Variants in NUDCD3 observed in about 807,000 individuals in gnomAD.
NUDCD3 encodes the protein nudC domain-containing protein 3.
In NUDCD3, 13 loss-of-function variants were observed where a neutral mutation model predicts 39.7. The observed-to-expected ratio is 0.33, with a 90% CI of 0.21 to 0.52. The LOEUF (loss-of-function observed/expected upper bound fraction) is 0.52. Among genes scored for constraint, NUDCD3 ranks in the 20% least tolerant of loss-of-function variants. NUDCD3 has a pLI of 0.96. For missense variants in NUDCD3, 453 were observed against 458.1 expected, an observed-to-expected ratio of 0.99 and a Z score of 0.10; for synonymous variants, 175 against 172.4, an observed-to-expected ratio of 1.02 and a Z score of -0.12.
intron 2 of NUDCD3, among the ~76,000 whole-genome samples, chr7:44,448,644 C>A (rs1199964760): frequency 1.3e-5 from 2 of 152,144 alleles, no homozygotes; most frequent in African/African-American, 2.4e-5. Flanking sequence ...CTGAGTGACA[C>A]CTTCCTGAGT....
intron 3 of NUDCD3, 80 bp downstream of exon 3, chr7:44,427,491 A>C: frequency 6.7e-7 from 1 of 1,497,164 alleles, no homozygotes; most frequent in Admixed American, 2.0e-5. Flanking sequence ...CACTCCCTCA[A>C]GGATGCTGGT....
rs1053788843 is a variant in NUDCD3 at position 44,454,708 on chromosome 7, C to T, written c.510-27005G>A. 8.5e-5 allele frequency among the ~76,000 whole-genome samples: 13 copies of T among 152,208 alleles called. No individual in the cohort carries two copies. The East Asian group carries it at 2.5e-3, about 29-fold the overall frequency. On this transcript the variant is annotated intron_variant, in intron 2 of 5. Transcript: ENST00000355451. ...TTGGGAGGCCAAGGCGGGAGGATCA[C>T]TTGAGCCCAGGAGTTCAAAACCAGC...
chr7:44,468,201 A>G, intron 2 of NUDCD3: 7 of 1,600,172 alleles, frequency 4.4e-6, no homozygotes, highest in Non-Finnish European at 5.1e-6. Flanking sequence ...ATCGCTCACA[A>G]TGTTTCCTCC....
chr7:44,427,679 A>T lies in NUDCD3; in HGVS notation c.534T>A (p.Asn178Lys). 6.2e-7 allele frequency: 1 copy of T among 1,613,876 alleles called. No homozygotes were observed. The highest frequency in any genetic ancestry group is 8.5e-7 in the Non-Finnish European group (1 of 1,179,916). ...LPRIQEQFQK[N>K]PDSYNGAVRE... ...GGACAGCACCATTGTAACTGTCGGG[A>T]TTTTTCTGGAACTGCTCCTGAATCC... The change falls in exon 3 of 6, where the codon AAT (asparagine) becomes AAA (lysine). Residue 178 changes from asparagine to lysine, a missense_variant. Transcript: ENST00000355451.
chr7:44,487,068 G>A (rs945554873), intron 1 of NUDCD3, among the ~76,000 whole-genome samples: 1 of 152,140 alleles, frequency 6.6e-6, no homozygotes, highest in Non-Finnish European at 1.5e-5. Context: ...TTCTACAAAG[G>A]AGCACTTCTC....
intron 2 of NUDCD3, among the ~76,000 whole-genome samples, chr7:44,434,397 C>T (rs977413825): frequency 2.6e-5 from 4 of 152,174 alleles, no homozygotes; most frequent in African/African-American, 9.7e-5. Context: ...CTCACACTAA[C>T]CAGCCTTCCT....
At chr7:44,403,533 T>G (rs1284785666) in intron 4 of NUDCD3, among the ~76,000 whole-genome samples, 3 of 152,150 alleles carry the variant, frequency 2.0e-5, no homozygotes, top group Non-Finnish European at 4.4e-5. Flanking sequence ...TACACTCCTT[T>G]CGGTACCTGG....
chr7:44,488,326 C>T (rs1381451245), intron 1 of NUDCD3, among the ~76,000 whole-genome samples: 4 of 143,130 alleles, frequency 2.8e-5, no homozygotes, highest in Admixed American at 2.1e-4. Context: ...CAGAGTGAGA[C>T]TCCATCTCCA....
intron 2 of NUDCD3, chr7:44,467,876 A>G (rs754492442): frequency 2.8e-4 from 436 of 1,565,862 alleles, no homozygotes; most frequent in Non-Finnish European, 3.6e-4. Flanking sequence ...CGGAGGTGGC[A>G]GCCATCTCCT....
intron 4 of NUDCD3, among the ~76,000 whole-genome samples, chr7:44,402,037 A>G (rs568911094): frequency 1.3e-5 from 2 of 152,196 alleles, no homozygotes; most frequent in Non-Finnish European, 2.9e-5. Flanking sequence ...AGAGCCTTTC[A>G]GCTGAAACGG....
At chr7:44,443,357 C>G (rs972111530) in intron 2 of NUDCD3, among the ~76,000 whole-genome samples, 2 of 152,120 alleles carry the variant, frequency 1.3e-5, no homozygotes, top group African/African-American at 4.8e-5. Context: ...ATTCAAGTAG[C>G]CAAAGTCTGA....
At chr7:44,410,058 A>C (rs987626291) in intron 3 of NUDCD3, among the ~76,000 whole-genome samples, 3 of 152,238 alleles carry the variant, frequency 2.0e-5, no homozygotes, top group Non-Finnish European at 2.9e-5. Flanking sequence ...GACACTATTA[A>C]GCATACCAAC....
At chr7:44,418,343 T>C (rs1799070115) in intron 3 of NUDCD3, among the ~76,000 whole-genome samples, 1 of 152,146 alleles carries the variant, frequency 6.6e-6, no homozygotes, top group Non-Finnish European at 1.5e-5. Context: ...CAGGACAGTC[T>C]CTCCTTCTAA....
intron 2 of NUDCD3, among the ~76,000 whole-genome samples, chr7:44,482,863 T>G (rs1325820890): frequency 6.6e-6 from 1 of 152,048 alleles, no homozygotes; most frequent in African/African-American, 2.4e-5. Context: ...TTGAAGGATT[T>G]AAAGGAAAAC....
intron 2 of NUDCD3, among the ~76,000 whole-genome samples, chr7:44,463,880 A>G (rs1800066340): frequency 6.6e-6 from 1 of 152,132 alleles, no homozygotes; most frequent in South Asian, 2.1e-4. Context: ...ATGGGAATTT[A>G]GTACTTCTAC....
At chr7:44,487,380 G>A (rs1161914651) in intron 1 of NUDCD3, among the ~76,000 whole-genome samples, 3 of 151,790 alleles carry the variant, frequency 2.0e-5, no homozygotes. Context: ...ATATTCAGCA[G>A]AGACACCAAG....
chr7:44,432,169 C>T (rs1348606476), intron 2 of NUDCD3, among the ~76,000 whole-genome samples: 1 of 152,166 alleles, frequency 6.6e-6, no homozygotes, highest in East Asian at 1.9e-4. Context: ...GTAGTGCTGG[C>T]TACTCGGAGG....
Position 44,392,479 on chromosome 7 carries a change from G to C in NUDCD3, c.793C>G (p.Leu265Val). ...CACCAATACTCGCCCACCTTGCTCA[G>C]GTTCACCTGGGGACAAGCAGGACAG... ...LEPGKCVLVN[L>V]SKVGEYWWNA... The change falls in exon 5 of 6, where the codon CTG (leucine) becomes GTG (valine). Residue 265 changes from leucine to valine, a missense_variant. Physicochemically the swap from Leu to Val is conservative, Grantham distance 32. Coordinates refer to ENST00000355451, the MANE Select transcript of NUDCD3 (RefSeq NM_015332.4). 1 of 1,613,872 alleles carries C rather than the reference G, an allele frequency of 6.2e-7. No individual in the cohort carries two copies. The highest frequency in any genetic ancestry group is 8.5e-7 in the Non-Finnish European group (1 of 1,179,848).
At chr7:44,462,814 T>C (rs1800041543) in intron 2 of NUDCD3, among the ~76,000 whole-genome samples, 1 of 152,228 alleles carries the variant, frequency 6.6e-6, no homozygotes, top group African/African-American at 2.4e-5. Flanking sequence ...TTTTATTATA[T>C]CATGAATTTT....
Sources: allele counts gnomAD v4.1 joint callset (sites outside exome capture counted in the v4.1 genomes callset), GRCh38; gene constraint gnomAD v4.1.1; transcripts MANE v1.5; gene names NCBI Gene and HGNC (gene_info 2026-07-23, HGNC 2026-07-21).